The following XRN1 variants were observed in gnomAD, a reference collection of about 807,000 sequenced individuals.
XRN1 encodes 5'-3' exoribonuclease 1, also known as strand-exchange protein 1 homolog.
Under a neutral mutation model 222.3 loss-of-function variants are expected in XRN1, and 67 were observed. The observed-to-expected ratio is 0.30, with a 90% CI of 0.25 to 0.37. The LOEUF (loss-of-function observed/expected upper bound fraction) is 0.37. Ranked by LOEUF, XRN1 falls within the 10% of genes least tolerant of loss-of-function variation. The pLI is 1.00. For missense variants in XRN1, 1,707 were observed against 2,000.2 expected (o/e 0.85, Z 2.80); for synonymous variants, 643 against 652.4 (o/e 0.99, Z 0.22).
At chr3:142,313,277 T>C in intron 39 of XRN1, 1 of 1,287,264 alleles carries the variant, frequency 7.8e-7, no homozygotes, top group Admixed American at 2.2e-5. Context: ...TCAAGGCCTT[T>C]TTTCACTTAC....
chr3:142,423,425 G>T, intron 6 of XRN1, 135 bp downstream of exon 6: 1 of 522,022 alleles, frequency 1.9e-6, no homozygotes, highest in Non-Finnish European at 3.1e-6. Flanking sequence ...AAACGTTTGT[G>T]CATCAAAGGA....
chr3:142,441,870 C>T (rs890143150), intron 1 of XRN1, among the ~76,000 whole-genome samples: 12 of 152,184 alleles, frequency 7.9e-5, no homozygotes, highest in South Asian at 2.1e-4. Context: ...GTTCCCTTGA[C>T]GGATCCTGAC....
In XRN1 at chr3:142,343,869, G is replaced by A. The variant is rs112050525; in HGVS notation, c.3877+3365C>T. 8.5e-4 allele frequency among the ~76,000 whole-genome samples: 130 copies of A among 152,222 alleles called. 2 individuals are homozygous for A. The highest frequency in any genetic ancestry group is 2.9e-3 in the African/African-American group (119 of 41,534). ...CAACAGGTGAACAGATAAAGAAAAT[G>A]TGGTACATATACACAATGGAGTACT... On this transcript the variant is annotated intron_variant, in intron 33 of 40. Transcript: ENST00000392981.
At chr3:142,446,702 C>T (rs1220478500) in intron 1 of XRN1, among the ~76,000 whole-genome samples, 2 of 152,206 alleles carry the variant, frequency 1.3e-5, no homozygotes, top group African/African-American at 4.8e-5. Flanking sequence ...TCCATTTCTG[C>T]AATGTACTGG....
intron 29 of XRN1, among the ~76,000 whole-genome samples, chr3:142,364,215 C>T (rs1254786960): frequency 1.3e-5 from 2 of 152,136 alleles, no homozygotes; most frequent in East Asian, 3.9e-4. Flanking sequence ...AGCTAGTGGC[C>T]CGTCTGTTCT....
chr3:142,361,471 C>T (rs1259787059), intron 29 of XRN1, among the ~76,000 whole-genome samples: 1 of 152,194 alleles, frequency 6.6e-6, no homozygotes, highest in East Asian at 1.9e-4. Flanking sequence ...GACTTACCTA[C>T]ATCATGATAG....
chr3:142,391,749 AATATAT>A lies in XRN1; in HGVS notation c.2339+5574_2339+5579del, dbSNP rs56952263. Among the ~76,000 whole-genome samples the A allele has an allele frequency of 7.9e-3, 816 of 103,396 alleles. 2 individuals are homozygous for A. The highest frequency in any genetic ancestry group is 0.011 in the African/African-American group (303 of 28,028). The allele number at this position is 103,396 out of a possible 152,430, so 67.8% of individuals were successfully genotyped here. A position where few individuals can be genotyped will look rare whatever the true frequency, so the allele number is the denominator to read the frequency against. ...ACCCCGTCTCACTAAAAAAAAAAAA[AATATAT>A]ATATATATATATATATATATGAATG... On this transcript the variant is annotated intron_variant, in intron 20 of 40. Transcript: ENST00000392981.
intron 20 of XRN1, among the ~76,000 whole-genome samples, chr3:142,388,992 G>C (rs2067613137): frequency 6.6e-6 from 1 of 152,192 alleles, no homozygotes; most frequent in Non-Finnish European, 1.5e-5. Flanking sequence ...AAGGCAGGTG[G>C]ACACTTGAGA....
chr3:142,379,022 C>A (rs935632442), intron 23 of XRN1, among the ~76,000 whole-genome samples: 1 of 151,850 alleles, frequency 6.6e-6, no homozygotes, highest in Non-Finnish European at 1.5e-5. Context: ...GTAATCCCAG[C>A]ACTTTGGGAG....
At chr3:142,433,640 A>G (rs1323707331) in intron 1 of XRN1, among the ~76,000 whole-genome samples, 2 of 152,240 alleles carry the variant, frequency 1.3e-5, no homozygotes, top group Admixed American at 1.3e-4. Context: ...GAGGATGGGG[A>G]ACATTACTGA....
At chr3:142,411,196 C>T (rs1475066619) in intron 15 of XRN1, among the ~76,000 whole-genome samples, 1 of 152,098 alleles carries the variant, frequency 6.6e-6, no homozygotes, top group Non-Finnish European at 1.5e-5. Flanking sequence ...TCTTCATTCC[C>T]AATATTGGTA....
chr3:142,312,816 A>G, intron 39 of XRN1, 58 bp from the exon 40 acceptor site: 2 of 1,525,060 alleles, frequency 1.3e-6, no homozygotes, highest in Non-Finnish European at 1.8e-6. Flanking sequence ...AAAGCTCTGA[A>G]ATTTGAGACC....
chr3:142,353,547 G>A (rs2066374796), intron 32 of XRN1, among the ~76,000 whole-genome samples: 1 of 152,118 alleles, frequency 6.6e-6, no homozygotes, highest in Non-Finnish European at 1.5e-5. Context: ...ACAACCACCT[G>A]ATTTTTGACA....
rs1395959341 is a variant in XRN1, at chr3:142,310,281, A to G, written c.*1230T>C. The G allele has an allele frequency of 6.6e-6, 1 of 152,408 alleles. No individual in the cohort carries two copies. Among genetic ancestry groups the G allele is most frequent in the Non-Finnish European group, 1.5e-5 (1 of 67,996 alleles). The allele number at this position is 152,408 out of a possible 1,614,324, so 9.4% of individuals were successfully genotyped here. On this transcript the variant is annotated 3_prime_UTR_variant, in exon 41 of 41. Transcript: ENST00000392981. ...GTTCCTACTTTTAAAAAAGTATGCT[A>G]TAACTTACTTCCTTAAAAATATAAG...
At chr3:142,387,946 G>A (rs1056155340) in intron 20 of XRN1, among the ~76,000 whole-genome samples, 32 of 152,062 alleles carry the variant, frequency 2.1e-4, no homozygotes, top group African/African-American at 7.7e-4. Flanking sequence ...TTTGTCTTCT[G>A]CTATGAGTGG....
At chr3:142,360,708 AAAAAT>A (rs2066596389) in intron 29 of XRN1, among the ~76,000 whole-genome samples, 1 of 148,304 alleles carries the variant, frequency 6.7e-6, no homozygotes, top group Admixed American at 6.6e-5. Context: ...ACTAAAAATA[AAAAAT>A]AAAAAAAAAA....
intron 33 of XRN1, among the ~76,000 whole-genome samples, chr3:142,343,280 CCT>C (rs1383640582): frequency 6.6e-6 from 1 of 151,766 alleles, no homozygotes; most frequent in Non-Finnish European, 1.5e-5. Context: ...ATGGTGAAAC[CCT>C]GTCTCTACTA....
chr3:142,385,858 T>C (rs1463471198), intron 20 of XRN1, among the ~76,000 whole-genome samples: 3 of 152,036 alleles, frequency 2.0e-5, no homozygotes, highest in Non-Finnish European at 4.4e-5. Flanking sequence ...ATTTTTAGTA[T>C]GCCCGTATTA....
At chr3:142,388,884 CAAG>C in intron 20 of XRN1, among the ~76,000 whole-genome samples, 1 of 152,184 alleles carries the variant, frequency 6.6e-6, no homozygotes, top group East Asian at 1.9e-4. Context: ...GATTCCATCT[CAAG>C]AAACCACTTT....
Sources: allele counts gnomAD v4.1 joint callset (sites outside exome capture counted in the v4.1 genomes callset), GRCh38; gene constraint gnomAD v4.1.1; transcripts MANE v1.5; gene names NCBI Gene and HGNC (gene_info 2026-07-23, HGNC 2026-07-21).